Variants in RFX3 observed in about 807,000 individuals in gnomAD.
RFX3 encodes regulatory factor X3.
In RFX3, 14 loss-of-function variants were observed where a neutral mutation model predicts 98.6. The ratio of observed to expected loss-of-function variants is 0.14; its 90% CI spans 0.09 to 0.22. The LOEUF (loss-of-function observed/expected upper bound fraction) is 0.22. Ranked by LOEUF, RFX3 falls within the 10% of genes least tolerant of loss-of-function variation. The probability of loss-of-function intolerance (pLI) is 1.00; values close to 1 mark genes in which losing one functional copy is unlikely to be tolerated. For synonymous variants in RFX3, 383 were observed against 328.4 expected, an observed-to-expected ratio of 1.17 and a Z score of -1.80; for missense variants, 639 against 926.9, an observed-to-expected ratio of 0.69 and a Z score of 4.03.
chr9:3,376,534 T>C (rs914104781), intron 2 of RFX3, among the ~76,000 whole-genome samples: 4 of 152,128 alleles, frequency 2.6e-5, no homozygotes, highest in Non-Finnish European at 5.9e-5. Context: ...TTATGATGAG[T>C]GCAAGAAGCC....
chr9:3,441,923 G>A (rs543726734), intron 1 of RFX3, among the ~76,000 whole-genome samples: 1 of 152,246 alleles, frequency 6.6e-6, no homozygotes, highest in African/African-American at 2.4e-5. Context: ...TTACCAGCCG[G>A]GCATGGTGGC....
intron 2 of RFX3, among the ~76,000 whole-genome samples, chr9:3,374,942 A>G (rs1838288143): frequency 6.6e-6 from 1 of 152,128 alleles, no homozygotes; most frequent in Non-Finnish European, 1.5e-5. Flanking sequence ...CATTAACAAC[A>G]GTTACGTAAT....
intron 7 of RFX3, among the ~76,000 whole-genome samples, chr9:3,280,404 T>C (rs775975822): frequency 1.1e-4 from 17 of 151,758 alleles, no homozygotes; most frequent in Non-Finnish European, 2.2e-4. Flanking sequence ...CGACAATGTA[T>C]TGTCTGGCAA....
chr9:3,399,273 TAA>T (rs35058002), intron 1 of RFX3, among the ~76,000 whole-genome samples: 37 of 118,256 alleles, frequency 3.1e-4, no homozygotes, highest in Admixed American at 2.6e-4. Flanking sequence ...TGTCTCTGCT[TAA>T]AAAAAAAAAA....
chr9:3,401,231 A>G (rs1326132356), intron 1 of RFX3, among the ~76,000 whole-genome samples: 1 of 152,246 alleles, frequency 6.6e-6, no homozygotes, highest in African/African-American at 2.4e-5. Context: ...CAGATTAATT[A>G]GAATGTTAAA....
At chr9:3,242,113 G>A (rs1417645021) in intron 15 of RFX3, among the ~76,000 whole-genome samples, 2 of 152,114 alleles carry the variant, frequency 1.3e-5, no homozygotes, top group Non-Finnish European at 2.9e-5. Context: ...TTGAAGTGAG[G>A]CAGTCCTACT....
chr9:3,379,424 T>A (rs1196181279), intron 2 of RFX3, among the ~76,000 whole-genome samples: 1 of 152,208 alleles, frequency 6.6e-6, no homozygotes, highest in Non-Finnish European at 1.5e-5. Flanking sequence ...TGGGTTTTTT[T>A]TTTATTCAAT....
At chr9:3,266,405 A>G in intron 11 of RFX3, 100 bp from the exon 12 acceptor site, 1 of 612,448 alleles carries the variant, frequency 1.6e-6, no homozygotes, top group East Asian at 2.9e-5. Context: ...TATCTGATAC[A>G]GCACAGAACT....
intron 1 of RFX3, among the ~76,000 whole-genome samples, chr9:3,429,447 G>GT (rs1387068920): frequency 6.6e-6 from 1 of 150,776 alleles, no homozygotes; most frequent in Non-Finnish European, 1.5e-5. Context: ...ATAATTGTGT[G>GT]TGTCTGTGGA....
At chr9:3,247,306 A>T (rs1820809963) in intron 15 of RFX3, 1 of 987,266 alleles carries the variant, frequency 1.0e-6, no homozygotes, top group African/African-American at 1.7e-5. Flanking sequence ...GACTATTCAG[A>T]AATTCTGAAG....
rs373768575 is a variant in RFX3 at position 3,259,697 on chromosome 9, T to C, written c.1606-2498A>G. Among the ~76,000 whole-genome samples the C allele has an allele frequency of 1.2e-4, 18 of 151,962 alleles. No individual in the cohort carries two copies. The East Asian group carries it at 3.5e-3, about 29-fold the overall frequency. The stretch of plus-strand genomic sequence containing the variant: ...TTAGAGAATTATGCCATCGTAATAC[T>C]ATCAATTAAATGAAACAGGAAACCA... On this transcript the variant is annotated intron_variant, in intron 13 of 16. Coordinates refer to ENST00000617270, the MANE Select transcript of RFX3 (RefSeq NM_001282116.2).
At chr9:3,375,010 C>T (rs549810054) in intron 2 of RFX3, among the ~76,000 whole-genome samples, 104 of 152,160 alleles carry the variant, frequency 6.8e-4, no homozygotes, top group Admixed American at 2.7e-3. Context: ...ATTATTTATC[C>T]CATAAATATT....
At chr9:3,453,538 T>A (rs1160298988) in intron 1 of RFX3, 1 of 152,124 alleles carries the variant, frequency 6.6e-6, no homozygotes, top group Non-Finnish European at 1.5e-5. Flanking sequence ...GGTGAAACCC[T>A]GTCTCTACTA....
Position 3,420,905 on chromosome 9 carries a change from A to C in RFX3, c.-8-25309T>G, listed in dbSNP as rs1843384035. The C allele has an allele frequency of 8.1e-6, 8 of 985,188 alleles. No individual in the cohort carries two copies. The South Asian group carries it at 1.9e-4, about 23-fold the overall frequency. 61.0% of individuals were successfully genotyped at this position (985,188 alleles called of 1,614,324 possible). On this transcript the variant is annotated intron_variant, in intron 1 of 16. Coordinates refer to ENST00000617270, the MANE Select transcript of RFX3 (RefSeq NM_001282116.2). Reference sequence around the variant, plus strand: ...CAAAGATATCCTTGGGTCAAATCTGAAACCAGCAAATATGGATCTTTCTCA... The same window carrying C: ...CAAAGATATCCTTGGGTCAAATCTGCAACCAGCAAATATGGATCTTTCTCA...
intron 12 of RFX3, among the ~76,000 whole-genome samples, chr9:3,264,673 T>C (rs1823381374): frequency 6.6e-6 from 1 of 152,180 alleles, no homozygotes; most frequent in South Asian, 2.1e-4. Context: ...TCATTACTGA[T>C]GGGAATTGAC....
intron 2 of RFX3, among the ~76,000 whole-genome samples, chr9:3,390,695 G>A (rs922028046): frequency 1.3e-5 from 2 of 152,084 alleles, no homozygotes; most frequent in Admixed American, 6.6e-5. Context: ...TTAAAAATGG[G>A]AGTTTCCCTG....
intron 16 of RFX3, among the ~76,000 whole-genome samples, chr9:3,226,568 C>T (rs189289338): frequency 9.9e-5 from 15 of 152,264 alleles, no homozygotes; most frequent in Admixed American, 9.8e-4. Context: ...CAAAGAAGTG[C>T]TCTTAGATGA....
intron 1 of RFX3, among the ~76,000 whole-genome samples, chr9:3,495,267 C>T (rs544163075): frequency 1.3e-5 from 2 of 151,864 alleles, no homozygotes; most frequent in Non-Finnish European, 2.9e-5. Flanking sequence ...ATGTATGAAT[C>T]GTCACTGAGC....
intron 1 of RFX3, among the ~76,000 whole-genome samples, chr9:3,486,128 C>CAAAAAAAAAAAA (rs772747349): frequency 2.4e-4 from 12 of 49,144 alleles, no homozygotes; most frequent in East Asian, 6.5e-4. Flanking sequence ...TGTCTCAAAC[C>CAAAAAAAAAAAA]AAAAAAAAAA....
Sources: allele counts gnomAD v4.1 joint callset (sites outside exome capture counted in the v4.1 genomes callset), GRCh38; gene constraint gnomAD v4.1.1; transcripts MANE v1.5; gene names NCBI Gene and HGNC (gene_info 2026-07-23, HGNC 2026-07-21).